MICU1: variants seen among roughly 807,000 people sequenced by gnomAD.
MICU1 encodes calcium uptake protein 1, mitochondrial.
In MICU1, 45 loss-of-function variants were observed where a neutral mutation model predicts 56.8. The observed-to-expected ratio is 0.79, with a 90% CI of 0.62 to 1.02. The LOEUF is 1.02. Ranked by LOEUF, MICU1 falls within the 50% of genes least tolerant of loss-of-function variation. The pLI, the probability that MICU1 is intolerant of heterozygous loss-of-function variation, is 0.00. For synonymous variants in MICU1, 186 were observed against 195.1 expected, an observed-to-expected ratio of 0.95 and a Z score of 0.39; for missense variants, 504 against 587.1, an observed-to-expected ratio of 0.86 and a Z score of 1.46.
At chr10:72,622,139 G>A (rs2132593348) in intron 1 of MICU1, among the ~76,000 whole-genome samples, 1 of 151,664 alleles carries the variant, frequency 6.6e-6, no homozygotes, top group African/African-American at 2.4e-5. Context: ...TAGCCAGGAT[G>A]GTCTCGATCT....
At chr10:72,611,705 A>G (rs1841854841) in intron 1 of MICU1, among the ~76,000 whole-genome samples, 1 of 152,202 alleles carries the variant, frequency 6.6e-6, no homozygotes, top group Admixed American at 6.6e-5. Flanking sequence ...ACTCTCAAAC[A>G]CTGAGAATAA....
intron 9 of MICU1, among the ~76,000 whole-genome samples, chr10:72,413,874 T>G (rs1863901683): frequency 6.6e-6 from 1 of 152,128 alleles, no homozygotes; most frequent in Non-Finnish European, 1.5e-5. Flanking sequence ...GGCTAATAAG[T>G]ACATGAAACA....
At position 72,496,125 on chromosome 10, in the gene MICU1, C is replaced by T. The variant is rs574234822; in HGVS notation, c.652+12030G>A. On this transcript the variant is annotated intron_variant, in intron 6 of 11. Coordinates refer to ENST00000361114, the MANE Select transcript of MICU1 (RefSeq NM_001195518.2). The stretch of plus-strand genomic sequence containing the variant: ...GGAACCACAGGCACACAACACCACA[C>T]CAGGCTTATTTATTTATTTTGAGTT... Among the ~76,000 whole-genome samples, 4 of 152,022 alleles carry T rather than the reference C, an allele frequency of 2.6e-5. No homozygotes were observed. In the South Asian group the frequency reaches 8.3e-4, roughly 32 times the overall value.
rs151094311 is a variant in MICU1, at chr10:72,495,173, C to A, written c.652+12982G>T. Among the ~76,000 whole-genome samples the A allele has an allele frequency of 7.0e-3, 859 of 123,148 alleles. 6 individuals carry two copies. Among genetic ancestry groups the A allele is most frequent in the African/African-American group, 0.027 (817 of 29,894 alleles). The allele number at this position is 123,148 out of a possible 152,430, so 80.8% of individuals were successfully genotyped here. ...ATATATTTTCTTCAAATTCATGTTA[C>A]TATTTTATGCCCAAATTACATGTCT... is the stretch of plus-strand genomic sequence containing the variant. On this transcript the variant is annotated intron_variant, in intron 6 of 11. Transcript: ENST00000361114.
At chr10:72,509,732 G>T (rs1234824876) in intron 5 of MICU1, among the ~76,000 whole-genome samples, 2 of 152,104 alleles carry the variant, frequency 1.3e-5, no homozygotes, top group African/African-American at 2.4e-5. Context: ...CAACAAAAAT[G>T]AGTATAGTCC....
chr10:72,617,876 T>A (rs1842018902), intron 1 of MICU1, among the ~76,000 whole-genome samples: 1 of 151,902 alleles, frequency 6.6e-6, no homozygotes, highest in Admixed American at 6.6e-5. Flanking sequence ...TGTTAAAATG[T>A]TTGCCTAGGC....
intron 1 of MICU1, among the ~76,000 whole-genome samples, chr10:72,603,699 G>A (rs1355081757): frequency 2.0e-5 from 3 of 152,114 alleles, no homozygotes; most frequent in Non-Finnish European, 4.4e-5. Flanking sequence ...AACTACTCGG[G>A]AGGCTGAGGC....
rs1199987987 is a variant in MICU1, at chr10:72,512,100, G to GTTTTTTTTTTTTTTTTTTTTTT, written c.538-3832_538-3831insAAAAAAAAAAAAAAAAAAAAAA. On this transcript the variant is annotated intron_variant, in intron 5 of 11. Coordinates refer to ENST00000361114, the MANE Select transcript of MICU1 (RefSeq NM_001195518.2). Reference sequence around the variant, plus strand: ...ATCAATCTGGCATCCATACACAGTTGTTTTTTGTTTTTTTTTTTTTTTTTT... The same window carrying GTTTTTTTTTTTTTTTTTTTTTT: ...ATCAATCTGGCATCCATACACAGTTGTTTTTTTTTTTTTTTTTTTTTTTTTTTTGTTTTTTTTTTTTTTTTTT... Among the ~76,000 whole-genome samples the GTTTTTTTTTTTTTTTTTTTTTT allele has an allele frequency of 7.3e-5, 6 of 82,336 alleles. 1 individual carries two copies. The highest frequency in any genetic ancestry group is 1.7e-4 in the African/African-American group (3 of 17,242). The allele number at this position is 82,336 out of a possible 152,430, so 54.0% of individuals were successfully genotyped here.
chr10:72,369,347 C>T (rs564724594), intron 11 of MICU1, among the ~76,000 whole-genome samples: 1 of 151,756 alleles, frequency 6.6e-6, no homozygotes, highest in Non-Finnish European at 1.5e-5. Flanking sequence ...CAGGTCCCCC[C>T]AGGGTCTGTA....
intron 8 of MICU1, among the ~76,000 whole-genome samples, chr10:72,424,874 C>T (rs907738918): frequency 5.3e-5 from 8 of 152,126 alleles, no homozygotes; most frequent in Non-Finnish European, 1.2e-4. Flanking sequence ...AAATGAGACA[C>T]AAAACTATGT....
At chr10:72,448,242 G>A (rs1178080820) in intron 8 of MICU1, among the ~76,000 whole-genome samples, 4 of 113,344 alleles carry the variant, frequency 3.5e-5, no homozygotes, top group Non-Finnish European at 5.1e-5. Context: ...CTCTCTTGCC[G>A]AGGCTCACTG....
At chr10:72,527,371 T>C (rs1239177348) in intron 5 of MICU1, among the ~76,000 whole-genome samples, 1 of 152,026 alleles carries the variant, frequency 6.6e-6, no homozygotes. Context: ...GTTTTTGTTT[T>C]GTTTTGTTTT....
intron 1 of MICU1, among the ~76,000 whole-genome samples, chr10:72,606,983 C>T (rs1028249197): frequency 6.6e-6 from 1 of 152,170 alleles, no homozygotes; most frequent in Non-Finnish European, 1.5e-5. Flanking sequence ...CAGGTCCTTT[C>T]CCCTATACCT....
At chr10:72,581,444 C>T (rs566585394) in intron 1 of MICU1, among the ~76,000 whole-genome samples, 64 of 152,300 alleles carry the variant, frequency 4.2e-4, no homozygotes, top group Admixed American at 7.8e-4. Flanking sequence ...GTCTGGCCAA[C>T]ATGGTGAAAC....
At chr10:72,429,614 TTGAA>T (rs1463878194) in intron 8 of MICU1, among the ~76,000 whole-genome samples, 1 of 152,118 alleles carries the variant, frequency 6.6e-6, no homozygotes, top group Non-Finnish European at 1.5e-5. Flanking sequence ...TAAATATGTA[TTGAA>T]TGAACACAGA....
At chr10:72,499,378 T>C (rs1408935727) in intron 6 of MICU1, among the ~76,000 whole-genome samples, 1 of 152,236 alleles carries the variant, frequency 6.6e-6, no homozygotes. Context: ...TTTCAAAGCA[T>C]TATTTTAATG....
At chr10:72,551,157 A>G in intron 4 of MICU1, 22 bp downstream of exon 4, 2 of 1,585,490 alleles carry the variant, frequency 1.3e-6, no homozygotes, top group South Asian at 1.2e-5. Context: ...TCACAGTCTT[A>G]TATTTCACTT....
At chr10:72,402,762 G>A (rs535724451) in intron 10 of MICU1, among the ~76,000 whole-genome samples, 62 of 152,242 alleles carry the variant, frequency 4.1e-4, no homozygotes, top group Non-Finnish European at 7.9e-4. Context: ...AAGGAAGTTC[G>A]GCTGGGCGGC....
chr10:72,407,893 C>A (rs967893637), intron 10 of MICU1, 36 bp downstream of exon 10: 2 of 1,428,182 alleles, frequency 1.4e-6, no homozygotes, highest in South Asian at 2.3e-5. Flanking sequence ...ATCCAATGTT[C>A]ATACCTTCAA....
Sources: gnomAD v4.1 joint callset for allele counts (sites outside exome capture counted in the v4.1 genomes callset) on GRCh38, gnomAD v4.1.1 for gene constraint, MANE v1.5 for transcripts, NCBI Gene and HGNC (gene_info 2026-07-23, HGNC 2026-07-21) for gene names.